SPOP: variants seen among roughly 807,000 people sequenced by gnomAD.
SPOP encodes the protein speckle-type POZ protein.
SPOP carries 11 observed loss-of-function variants against 45.6 expected under a neutral mutation model. The ratio of observed to expected loss-of-function variants is 0.24; its 90% CI spans 0.15 to 0.40. The LOEUF (loss-of-function observed/expected upper bound fraction) is 0.40, where lower values mean the gene tolerates loss of function less well. SPOP is among the 10% of genes least tolerant of loss of function. The pLI is 1.00. For synonymous variants in SPOP, 166 were observed against 166.3 expected (o/e 1.00, Z 0.01); for missense variants, 152 against 465.6 (o/e 0.33, Z 6.20).
chr17:49,608,474 G>A (rs1000149010), intron 6 of SPOP, among the ~76,000 whole-genome samples: 2 of 152,140 alleles, frequency 1.3e-5, no homozygotes, highest in Admixed American at 6.5e-5. Flanking sequence ...AAGAGGTGGG[G>A]GGGGAAAGAA....
At chr17:49,669,772 A>AAAAAAAAAAAAAAATTAAGACAGC (rs2073114424) in intron 1 of SPOP, among the ~76,000 whole-genome samples, 1 of 151,272 alleles carries the variant, frequency 6.6e-6, no homozygotes, top group Non-Finnish European at 1.5e-5. Context: ...TCAAAAAAAA[A>AAAAAAAAAAAAAAATTAAGACAGC]AAAAAAAAAA....
At chr17:49,641,170 G>T (rs1432815817) in intron 1 of SPOP, among the ~76,000 whole-genome samples, 1 of 145,720 alleles carries the variant, frequency 6.9e-6, no homozygotes. Context: ...GGCTGAGGCA[G>T]GAGAATCGCT....
At chr17:49,604,762 C>A (rs2071805286) in intron 8 of SPOP, among the ~76,000 whole-genome samples, 1 of 152,206 alleles carries the variant, frequency 6.6e-6, no homozygotes, top group African/African-American at 2.4e-5. Flanking sequence ...GTCATGTTTC[C>A]ACAGACCGCA....
At position 49,619,912 on chromosome 17, in the gene SPOP, A is replaced by G. The variant is rs2072182758; in HGVS notation, c.201-527T>C. On this transcript the variant is annotated intron_variant, in intron 3 of 9. Coordinates refer to ENST00000504102, the MANE Select transcript of SPOP (RefSeq NM_001007228.2). This position sits in a 1 kb window ranked among gnomAD's most constrained non-coding sequence, Gnocchi z 4.9. The stretch of plus-strand genomic sequence containing the variant: ...GGTGGCTCACCCCTGTAATCTCAGC[A>G]CTTTGGGAGGCCAAAGCGGGCGCAT... Among the ~76,000 whole-genome samples the G allele has an allele frequency of 6.6e-6, 1 of 152,202 alleles. No individual in the cohort carries two copies. The highest frequency in any genetic ancestry group is 6.5e-5 in the Admixed American group (1 of 15,288).
intron 1 of SPOP, among the ~76,000 whole-genome samples, chr17:49,627,769 T>C (rs922310799): frequency 1.3e-5 from 2 of 152,214 alleles, no homozygotes; most frequent in South Asian, 2.1e-4. Flanking sequence ...GACCATTTTT[T>C]CCCACCTTTT....
intron 5 of SPOP, among the ~76,000 whole-genome samples, chr17:49,617,056 T>A (rs2072103240): frequency 6.6e-6 from 1 of 151,964 alleles, no homozygotes; most frequent in Non-Finnish European, 1.5e-5. Flanking sequence ...ATCAAGACTG[T>A]GAAGACAGGG....
chr17:49,665,419 C>G (rs2073041016), intron 1 of SPOP, among the ~76,000 whole-genome samples: 1 of 151,474 alleles, frequency 6.6e-6, no homozygotes, highest in African/African-American at 2.4e-5. Flanking sequence ...TCAAGATCAT[C>G]CTGGCTAACA....
chr17:49,633,596 C>T (rs2072491097), intron 1 of SPOP, among the ~76,000 whole-genome samples: 1 of 152,100 alleles, frequency 6.6e-6, no homozygotes, highest in South Asian at 2.1e-4. Flanking sequence ...CATTCCCTTG[C>T]CCTAGAAACT....
chr17:49,624,836 A>G (rs2072297291), intron 1 of SPOP, among the ~76,000 whole-genome samples: 1 of 151,480 alleles, frequency 6.6e-6, no homozygotes, highest in Non-Finnish European at 1.5e-5. Flanking sequence ...AAGCCAAAAG[A>G]CAAACTAAAA....
chr17:49,634,025 A>G (rs997796175), intron 1 of SPOP, among the ~76,000 whole-genome samples: 5 of 152,244 alleles, frequency 3.3e-5, no homozygotes, highest in African/African-American at 1.2e-4. Context: ...TTAAAAAAAA[A>G]AAAAACAGAA....
chr17:49,614,284 C>T (rs1555573697), intron 5 of SPOP, among the ~76,000 whole-genome samples: 1 of 152,146 alleles, frequency 6.6e-6, no homozygotes, highest in Non-Finnish European at 1.5e-5. Flanking sequence ...ATAAATTATA[C>T]ATTCACACAA....
chr17:49,668,921 C>T (rs1438890578), intron 1 of SPOP, among the ~76,000 whole-genome samples: 2 of 151,874 alleles, frequency 1.3e-5, no homozygotes, highest in East Asian at 1.9e-4. Flanking sequence ...GGACTACAGG[C>T]GCCCGCCACC....
chr17:49,611,159 A>T, intron 6 of SPOP, 121 bp downstream of exon 6: 1 of 1,043,250 alleles, frequency 9.6e-7, no homozygotes, highest in Non-Finnish European at 1.4e-6. Flanking sequence ...AGATATATTT[A>T]GCTGCAGTTT....
intron 6 of SPOP, among the ~76,000 whole-genome samples, chr17:49,609,085 T>C (rs555346107): frequency 9.2e-5 from 14 of 152,214 alleles, no homozygotes; most frequent in African/African-American, 3.1e-4. Context: ...ATTTTTGTAT[T>C]TTTAGTAGAG....
intron 8 of SPOP, among the ~76,000 whole-genome samples, chr17:49,604,311 T>C (rs2071794564): frequency 6.6e-6 from 1 of 152,202 alleles, no homozygotes; most frequent in African/African-American, 2.4e-5. Context: ...TCACATTGCT[T>C]CATTGTACTC....
intron 1 of SPOP, among the ~76,000 whole-genome samples, chr17:49,657,805 G>A (rs1264108359): frequency 1.3e-5 from 2 of 150,110 alleles, no homozygotes; most frequent in Admixed American, 6.7e-5. Flanking sequence ...GGGTTCAAGC[G>A]ATTCTCCTGC....
chr17:49,658,458 C>T (rs1384780862), intron 1 of SPOP, among the ~76,000 whole-genome samples: 1 of 152,158 alleles, frequency 6.6e-6, no homozygotes, highest in Admixed American at 6.5e-5. Flanking sequence ...ACTACTAACA[C>T]CACCAATAAA....
intron 1 of SPOP, among the ~76,000 whole-genome samples, chr17:49,628,303 C>T (rs945406820): frequency 2.0e-5 from 3 of 152,158 alleles, no homozygotes; most frequent in Admixed American, 2.0e-4. Context: ...GAGAACAGAC[C>T]TCTTCGAGTT....
intron 1 of SPOP, among the ~76,000 whole-genome samples, chr17:49,643,425 T>G (rs1054189516): frequency 6.6e-6 from 1 of 152,242 alleles, no homozygotes; most frequent in African/African-American, 2.4e-5. Context: ...TTGAAACATA[T>G]GGTCCTTGAA....
Sources: allele counts gnomAD v4.1 joint callset (sites outside exome capture counted in the v4.1 genomes callset), GRCh38; gene constraint gnomAD v4.1.1; non-coding constraint Gnocchi (gnomAD v3.1); transcripts MANE v1.5; gene names NCBI Gene and HGNC (gene_info 2026-07-23, HGNC 2026-07-21).